DNAJC21: variants seen among roughly 807,000 people sequenced by gnomAD.
DNAJC21 encodes DnaJ heat shock protein family (Hsp40) member C21, also known as dnaJ homolog subfamily C member 21.
A neutral mutation model predicts 72.4 loss-of-function variants in DNAJC21; 63 were observed. That is an observed-to-expected ratio of 0.87 (90% CI 0.71 to 1.07). DNAJC21 has a LOEUF of 1.07. Among genes scored for constraint, DNAJC21 ranks in the 50% least tolerant of loss-of-function variants. The pLI is 0.00. For synonymous variants in DNAJC21, 203 were observed against 216.7 expected, an observed-to-expected ratio of 0.94 and a Z score of 0.56; for missense variants, 634 against 644.8, an observed-to-expected ratio of 0.98 and a Z score of 0.18.
At chr5:34,945,828 A>G in intron 9 of DNAJC21, 25 bp downstream of exon 9, 1 of 1,515,198 alleles carries the variant, frequency 6.6e-7, no homozygotes, top group South Asian at 1.2e-5. Context: ...TTTTGTTAAC[A>G]TTAAATGCCA....
intron 9 of DNAJC21, chr5:34,949,717 A>G: frequency 6.2e-7 from 1 of 1,610,748 alleles, no homozygotes; most frequent in Non-Finnish European, 8.5e-7. Flanking sequence ...TTTCTTTTAT[A>G]ATGCCTGTTT....
At position 34,956,943 on chromosome 5, in the gene DNAJC21, A is replaced by G. The variant is rs999999264; in HGVS notation, c.*2229A>G. The G allele has an allele frequency of 2.0e-5, 3 of 152,248 alleles. No homozygotes were observed. Among genetic ancestry groups the G allele is most frequent in the East Asian group, 1.9e-4 (1 of 5,200 alleles). 9.4% of individuals were successfully genotyped at this position (152,248 alleles called of 1,614,324 possible). The stretch of plus-strand genomic sequence containing the variant: ...TTATGAAAGTAAAATGAAGTAGTAT[A>G]TATGAAAATGCTTTTTAAACACAAA... On this transcript the variant is annotated 3_prime_UTR_variant, in exon 12 of 12. Coordinates refer to ENST00000648817, the MANE Select transcript of DNAJC21 (RefSeq NM_001012339.3).
chr5:34,948,822 G>A (rs1484101926), intron 9 of DNAJC21, among the ~76,000 whole-genome samples: 1 of 151,830 alleles, frequency 6.6e-6, no homozygotes, highest in Non-Finnish European at 1.5e-5. Context: ...CTGAGATCAC[G>A]CCACTGCACT....
chr5:34,950,166 C>T lies in DNAJC21; in HGVS notation c.1186-4C>T, dbSNP rs763897562. 5.6e-6 allele frequency: 9 copies of T among 1,595,770 alleles called. No individual in the cohort carries two copies. In the Admixed American group the frequency reaches 1.4e-4, roughly 25 times the overall value. ...TGTAACGGCACATATGTTTTATTAC[C>T]TAGAATTATGATGACAATTTCAATG... On this transcript the variant is annotated splice_region_variant and splice_polypyrimidine_tract_variant and intron_variant, in intron 9 of 11. Transcript: ENST00000648817.
In DNAJC21 at chr5:34,949,573, G is replaced by T. The variant is rs138016941; in HGVS notation, c.1186-597G>T. ...ACCTGGCAAAGATTCATATCTGCCT[G>T]CAGCTCACTTTCAGATGGCTTGGGG... On this transcript the variant is annotated intron_variant, in intron 9 of 11. Transcript: ENST00000648817. 49 of 1,566,510 alleles carry T rather than the reference G, an allele frequency of 3.1e-5. No individual in the cohort carries two copies. The highest frequency in any genetic ancestry group is 1.7e-4 in the Middle Eastern group (1 of 6,030).
intron 1 of DNAJC21, among the ~76,000 whole-genome samples, chr5:34,932,377 C>T (rs950489387): frequency 4.0e-5 from 6 of 149,446 alleles, no homozygotes; most frequent in African/African-American, 7.4e-5. Context: ...GCCAAGATCG[C>T]GCCACTGCAC....
At chr5:34,937,285 AT>A (rs1764810743) in intron 4 of DNAJC21, 40 bp from the exon 5 acceptor site, 9 of 1,552,510 alleles carry the variant, frequency 5.8e-6, no homozygotes, top group Admixed American at 2.2e-5. Context: ...CTAAAAAAAA[AT>A]CTTAAAGCGC....
chr5:34,941,249 G>C (rs1393199283), intron 7 of DNAJC21, 66 bp downstream of exon 7: 1 of 1,431,596 alleles, frequency 7.0e-7, no homozygotes, highest in Non-Finnish European at 9.7e-7. Flanking sequence ...CAAGGCAGGA[G>C]TGCAGTGGCA....
Position 34,949,614 on chromosome 5 carries a change from G to A in DNAJC21, c.1186-556G>A, listed in dbSNP as rs181888042. 7.2e-5 allele frequency: 115 copies of A among 1,600,790 alleles called. 2 individuals carry two copies. In the Middle Eastern group the frequency reaches 9.9e-4, roughly 14 times the overall value. On this transcript the variant is annotated intron_variant, in intron 9 of 11. Coordinates refer to ENST00000648817, the MANE Select transcript of DNAJC21 (RefSeq NM_001012339.3). Reference sequence around the variant, plus strand: ...TGGCTTGGGGAAAAAAGTGTGTGTTGGGAGAGAGAAGAGATGGAGAGAGCG... The same window carrying A: ...TGGCTTGGGGAAAAAAGTGTGTGTTAGGAGAGAGAAGAGATGGAGAGAGCG...
At chr5:34,948,320 A>G (rs1238840491) in intron 9 of DNAJC21, among the ~76,000 whole-genome samples, 1 of 152,212 alleles carries the variant, frequency 6.6e-6, no homozygotes. Flanking sequence ...AAAAGGAAAC[A>G]GGCTTGCTCT....
At chr5:34,950,631 G>T (rs1765332001) in intron 10 of DNAJC21, 6 of 1,040,990 alleles carry the variant, frequency 5.8e-6, no homozygotes, top group Non-Finnish European at 6.9e-6. Flanking sequence ...CGCTGATTTT[G>T]TCGTGGATCA....
chr5:34,946,878 T>C (rs1013548818), intron 9 of DNAJC21, among the ~76,000 whole-genome samples: 5 of 152,180 alleles, frequency 3.3e-5, no homozygotes, highest in African/African-American at 1.2e-4. Context: ...TACGTTAGTA[T>C]TTTCTTACTG....
At position 34,929,730 on chromosome 5, in the gene DNAJC21, T is replaced by TGCCAGC; in HGVS notation, c.-86_-81dup. 5.5e-6 allele frequency: 3 copies of TGCCAGC among 541,940 alleles called. No homozygotes were observed. Among genetic ancestry groups the TGCCAGC allele is most frequent in the Non-Finnish European group, 7.2e-6 (3 of 417,208 alleles). 33.6% of individuals were successfully genotyped at this position (541,940 alleles called of 1,614,324 possible). A position where few individuals can be genotyped will look rare whatever the true frequency, so the allele number is the denominator to read the frequency against. On this transcript the variant is annotated 5_prime_UTR_variant, in exon 1 of 12. Coordinates refer to ENST00000648817, the MANE Select transcript of DNAJC21 (RefSeq NM_001012339.3). The stretch of plus-strand genomic sequence containing the variant: ...GCGGCGGACTCCCGCCGGAGAGGAC[T>TGCCAGC]GCCAGCGCCGCCGCCGCCGCCGCTT...
intron 10 of DNAJC21, chr5:34,951,363 T>C (rs1044543371): frequency 6.1e-6 from 6 of 985,436 alleles, no homozygotes; most frequent in Non-Finnish European, 7.2e-6. Flanking sequence ...GTAGAAAGGC[T>C]GACACTTCAT....
At chr5:34,949,729 T>A in intron 9 of DNAJC21, 1 of 1,607,392 alleles carries the variant, frequency 6.2e-7, no homozygotes, top group Non-Finnish European at 8.5e-7. Context: ...TGCCTGTTTG[T>A]TGTTGCCATT....
intron 9 of DNAJC21, chr5:34,949,766 T>C: frequency 6.4e-7 from 1 of 1,554,934 alleles, no homozygotes; most frequent in Non-Finnish European, 8.7e-7. Context: ...GAATAGTTGC[T>C]CATTGCTTAT....
Position 34,954,865 on chromosome 5 carries a change from T to G in DNAJC21, c.*151T>G. On this transcript the variant is annotated 3_prime_UTR_variant, in exon 12 of 12. Transcript: ENST00000648817. The stretch of plus-strand genomic sequence containing the variant: ...ATCTTGTAAAAACACTTTTTTGGTT[T>G]AATATATATTTTTAAAACATTTCAC... 1 of 926,058 alleles carries G rather than the reference T, an allele frequency of 1.1e-6. No individual in the cohort carries two copies. Among genetic ancestry groups the G allele is most frequent in the Non-Finnish European group, 1.5e-6 (1 of 664,408 alleles). The allele number at this position is 926,058 out of a possible 1,614,324, so 57.4% of individuals were successfully genotyped here. A position where few individuals can be genotyped will look rare whatever the true frequency, so the allele number is the denominator to read the frequency against.
At chr5:34,938,402 G>A (rs1764868787) in intron 5 of DNAJC21, among the ~76,000 whole-genome samples, 1 of 152,170 alleles carries the variant, frequency 6.6e-6, no homozygotes, top group South Asian at 2.1e-4. Context: ...GTGCAGTACT[G>A]CCTTTTGGTC....
At chr5:34,937,686 C>T in intron 5 of DNAJC21, 56 bp downstream of exon 5, 3 of 1,542,900 alleles carry the variant, frequency 1.9e-6, no homozygotes, top group Non-Finnish European at 8.7e-7. Flanking sequence ...AGAGGCAGCA[C>T]CAGAGGTACC....
Sources: gnomAD v4.1 joint callset for allele counts (sites outside exome capture counted in the v4.1 genomes callset) on GRCh38, gnomAD v4.1.1 for gene constraint, MANE v1.5 for transcripts, NCBI Gene and HGNC (gene_info 2026-07-23, HGNC 2026-07-21) for gene names.